ARB2A: variants seen among roughly 807,000 people sequenced by gnomAD.
ARB2A encodes the protein ARB2 cotranscriptional regulator A, also known as cotranscriptional regulator ARB2A.
the ARB2A span, among the ~76,000 whole-genome samples, chr5:93,712,794 G>C: frequency 1.3e-5 from 2 of 152,108 alleles, no homozygotes; most frequent in African/African-American, 4.8e-5. Context: ...CACATTACCT[G>C]ACTTCAAATT....
the ARB2A span, among the ~76,000 whole-genome samples, chr5:93,878,054 T>C: frequency 6.7e-6 from 1 of 149,074 alleles, no homozygotes; most frequent in African/African-American, 2.4e-5. Flanking sequence ...TAGTTCAAGG[T>C]ATCAAATAAT....
chr5:93,784,610 T>C, the ARB2A span: 1 of 718,526 alleles, frequency 1.4e-6, no homozygotes, highest in East Asian at 2.8e-5. Context: ...AAAAGCAATA[T>C]GCATCTCTGG....
chr5:93,806,953 A>G, the ARB2A span, among the ~76,000 whole-genome samples: 1 of 152,002 alleles, frequency 6.6e-6, no homozygotes, highest in Non-Finnish European at 1.5e-5. Context: ...ATTATGAATT[A>G]TGGTAGCAGA....
At chr5:93,638,506 CTTG>C in the ARB2A span, among the ~76,000 whole-genome samples, 4 of 152,016 alleles carry the variant, frequency 2.6e-5, no homozygotes, top group African/African-American at 4.8e-5. Flanking sequence ...AAACATTATA[CTTG>C]TTGTTGGCAT....
the ARB2A span, among the ~76,000 whole-genome samples, chr5:93,833,618 T>A: frequency 6.6e-6 from 1 of 152,114 alleles, no homozygotes; most frequent in Admixed American, 6.5e-5. Flanking sequence ...CTAAAAGCAG[T>A]TGAGCTGTCT....
chr5:93,653,506 C>A, the ARB2A span, among the ~76,000 whole-genome samples: 1 of 41,638 alleles, frequency 2.4e-5, no homozygotes, highest in Non-Finnish European at 4.7e-5. Context: ...AGCGAGACTC[C>A]GTCTCAAAAA....
chr5:94,016,172 A>C, the ARB2A span, among the ~76,000 whole-genome samples: 3 of 152,198 alleles, frequency 2.0e-5, no homozygotes, highest in Non-Finnish European at 4.4e-5. Flanking sequence ...CAAATCAATG[A>C]CTGTTAAAAG....
chr5:93,980,302 A>T, the ARB2A span, among the ~76,000 whole-genome samples: 150,369 of 152,288 alleles, frequency 0.99, 74,241 homozygotes, highest in East Asian at 1. Context: ...TCTTCTGGTA[A>T]CCACAGTTGT....
At chr5:93,640,064 CA>C in the ARB2A span, among the ~76,000 whole-genome samples, 11,894 of 59,804 alleles carry the variant, frequency 0.2, 315 homozygotes, top group African/African-American at 0.34. Context: ...ACTCTGTCTC[CA>C]AAAAAAAAAA....
the ARB2A span, among the ~76,000 whole-genome samples, chr5:93,709,632 C>CAAAAAAAAAAAAAAAAA: frequency 2.4e-5 from 1 of 41,698 alleles, no homozygotes; most frequent in African/African-American, 7.4e-5. Flanking sequence ...GACTCTGTCA[C>CAAAAAAAAAAAAAAAAA]AAAAAAAAAA....
the ARB2A span, among the ~76,000 whole-genome samples, chr5:94,066,139 T>C: frequency 6.6e-6 from 1 of 151,970 alleles, no homozygotes; most frequent in South Asian, 2.1e-4. Context: ...AAGACTGCCT[T>C]GAAGCAAATG....
chr5:93,764,325 G>C, the ARB2A span, among the ~76,000 whole-genome samples: 1 of 151,482 alleles, frequency 6.6e-6, no homozygotes, highest in Non-Finnish European at 1.5e-5. Flanking sequence ...GAAGGAAAGA[G>C]AGAAGAATCA....
At chr5:94,082,413 T>C in the ARB2A span, among the ~76,000 whole-genome samples, 13 of 152,150 alleles carry the variant, frequency 8.5e-5, no homozygotes, top group Admixed American at 6.6e-4. Flanking sequence ...AAATGTACCA[T>C]TTGCTACAGA....
the ARB2A span, among the ~76,000 whole-genome samples, chr5:93,918,514 C>T: frequency 9.3e-5 from 14 of 150,168 alleles, no homozygotes; most frequent in Admixed American, 1.3e-4. Flanking sequence ...CTCTGCCTCC[C>T]GGGTTCAAGT....
At chr5:94,001,771 TCA>T in the ARB2A span, among the ~76,000 whole-genome samples, 3 of 152,118 alleles carry the variant, frequency 2.0e-5, no homozygotes, top group Non-Finnish European at 4.4e-5. Context: ...TTTAAAATTC[TCA>T]GTCTGGTAAT....
chr5:94,017,977 A>T, the ARB2A span, among the ~76,000 whole-genome samples: 1 of 152,178 alleles, frequency 6.6e-6, no homozygotes, highest in Non-Finnish European at 1.5e-5. Context: ...TGGGTTTATC[A>T]GAGGTTTCCG....
the ARB2A span, among the ~76,000 whole-genome samples, chr5:93,673,935 TAATA>T: frequency 6.6e-6 from 1 of 152,200 alleles, no homozygotes; most frequent in Admixed American, 6.5e-5. Flanking sequence ...CCTTTTATTC[TAATA>T]AATATTTTCA....
chr5:93,715,648 T>C, the ARB2A span, among the ~76,000 whole-genome samples: 2 of 152,016 alleles, frequency 1.3e-5, no homozygotes, highest in East Asian at 3.9e-4. Context: ...CCCGCCTTTT[T>C]TTTTTTTTTT....
At chr5:93,873,294 A>G in the ARB2A span, among the ~76,000 whole-genome samples, 1 of 28,124 alleles carries the variant, frequency 3.6e-5, no homozygotes, top group East Asian at 2.3e-3. Context: ...CCTGTCTCAA[A>G]AAAAAAAGGG....
Sources: allele counts gnomAD v4.1 joint callset (sites outside exome capture counted in the v4.1 genomes callset), GRCh38; gene constraint gnomAD v4.1.1; transcripts MANE v1.5; gene names NCBI Gene and HGNC (gene_info 2026-07-23, HGNC 2026-07-21).